Variants in DNAJC24 observed in about 807,000 individuals in gnomAD.
The protein encoded by DNAJC24 is DnaJ heat shock protein family (Hsp40) member C24.
A neutral mutation model predicts 18.0 loss-of-function variants in DNAJC24; 17 were observed. The ratio of observed to expected loss-of-function variants is 0.94; its 90% CI spans 0.65 to 1.42. The LOEUF is 1.42. Among genes scored for constraint, DNAJC24 ranks in the 40% most tolerant of loss-of-function variants. DNAJC24 has a pLI of 0.00. For missense variants in DNAJC24, 158 were observed against 175.6 expected (o/e 0.90, Z 0.57); for synonymous variants, 55 against 57.7 (o/e 0.95, Z 0.21).
At chr11:31,390,395 CAAAAAAAAAAAAA>C (rs370680501) in intron 2 of DNAJC24, among the ~76,000 whole-genome samples, 2 of 48,564 alleles carry the variant, frequency 4.1e-5, no homozygotes, top group Admixed American at 2.9e-4. Context: ...GACTCTATCT[CAAAAAAAAAAAAA>C]AAAAAAAAAA....
At chr11:31,401,464 T>C (rs1016019904) in intron 2 of DNAJC24, among the ~76,000 whole-genome samples, 1 of 151,988 alleles carries the variant, frequency 6.6e-6, no homozygotes, top group Non-Finnish European at 1.5e-5. Flanking sequence ...TCCCGCTGTC[T>C]CCTCTTTCTT....
In DNAJC24 at chr11:31,432,209, C is replaced by A. The variant is rs1313263478; in HGVS notation, c.*1808C>A. 6.6e-6 allele frequency among the ~76,000 whole-genome samples: 1 copy of A among 152,146 alleles called. No homozygotes were observed. Among genetic ancestry groups the A allele is most frequent in the East Asian group, 1.9e-4 (1 of 5,198 alleles). ...ATATTTAAGAAGAATAGATTAGTTTCATTATACCTATAAGAACAAGAATTC... is the reference window on the plus strand; with the variant it reads ...ATATTTAAGAAGAATAGATTAGTTTAATTATACCTATAAGAACAAGAATTC... On this transcript the variant is annotated 3_prime_UTR_variant, in exon 5 of 5. Transcript: ENST00000465995.
rs1011114089 is a variant in DNAJC24 at position 31,375,618 on chromosome 11, G to A, written c.111+4759G>A. Among the ~76,000 whole-genome samples, 5 of 134,860 alleles carry A rather than the reference G, an allele frequency of 3.7e-5. 1 individual carries two copies. The East Asian group carries it at 5.8e-4, about 16-fold the overall frequency. 88.5% of individuals were successfully genotyped at this position (134,860 alleles called of 152,430 possible). On this transcript the variant is annotated intron_variant, in intron 2 of 4. Transcript: ENST00000465995. The stretch of plus-strand genomic sequence containing the variant: ...ATCTGAATCATAGGTAGAAGGATTA[G>A]CTTTAGGTAAGAGATAGGAGGGACC...
intron 2 of DNAJC24, among the ~76,000 whole-genome samples, chr11:31,399,713 CT>C (rs370853069): frequency 0.46 from 51,352 of 112,844 alleles, 10,272 homozygotes; most frequent in African/African-American, 0.55. Flanking sequence ...TGCCCAGCCT[CT>C]TTTTTTTTTT....
intron 3 of DNAJC24, among the ~76,000 whole-genome samples, chr11:31,417,506 G>C (rs185812448): frequency 6.6e-6 from 1 of 151,988 alleles, no homozygotes; most frequent in Non-Finnish European, 1.5e-5. Context: ...ATAGGTTACC[G>C]AGAGAGAGAG....
At chr11:31,408,307 G>A in intron 2 of DNAJC24, 1 of 412,298 alleles carries the variant, frequency 2.4e-6, no homozygotes, top group South Asian at 1.8e-5. Flanking sequence ...AGAGATTCTG[G>A]AGTCCTCCCT....
chr11:31,374,143 G>C lies in DNAJC24; in HGVS notation c.111+3284G>C, dbSNP rs1952291033. On this transcript the variant is annotated intron_variant, in intron 2 of 4. Transcript: ENST00000465995. ...TTCTATTAAAATGTTCAGTTGAAGT[G>C]TTAAGAGCAGGTATCCTTGCCTTGT... 1.5e-5 allele frequency: 6 copies of C among 389,346 alleles called. 2 individuals carry two copies. The highest frequency in any genetic ancestry group is 3.2e-5 in the Non-Finnish European group (6 of 188,616). The allele number at this position is 389,346 out of a possible 1,614,324, so 24.1% of individuals were successfully genotyped here. A position where few individuals can be genotyped will look rare whatever the true frequency, so the allele number is the denominator to read the frequency against.
intron 2 of DNAJC24, chr11:31,407,359 G>GTT (rs1329761182): frequency 6.6e-6 from 1 of 152,030 alleles, no homozygotes; most frequent in Non-Finnish European, 1.5e-5. Context: ...ACTCTTACGT[G>GTT]TTTACTGTAA....
chr11:31,412,325 T>C (rs1952717373), intron 2 of DNAJC24, among the ~76,000 whole-genome samples: 1 of 152,172 alleles, frequency 6.6e-6, no homozygotes, highest in South Asian at 2.1e-4. Flanking sequence ...TCCTACTTTA[T>C]AGATACAAAT....
At chr11:31,380,820 A>G (rs517239) in intron 2 of DNAJC24, among the ~76,000 whole-genome samples, 14,931 of 152,124 alleles carry the variant, frequency 0.098, 2,045 homozygotes, top group African/African-American at 0.3. Flanking sequence ...TTCCCTGGGC[A>G]ACCATGGATC....
At chr11:31,386,967 C>T (rs1216415791) in intron 2 of DNAJC24, among the ~76,000 whole-genome samples, 1 of 152,208 alleles carries the variant, frequency 6.6e-6, no homozygotes, top group East Asian at 1.9e-4. Flanking sequence ...GCAGTACTTG[C>T]TGCAGGCCTG....
Position 31,431,158 on chromosome 11 carries a change from T to C in DNAJC24, c.*757T>C, listed in dbSNP as rs1205276060. ...CCTCAGCCTCCCGAATAGCTGGGAT[T>C]ACACGTGCCCACCACCATGCCCAGC... On this transcript the variant is annotated 3_prime_UTR_variant, in exon 5 of 5. Transcript: ENST00000465995. The C allele has an allele frequency of 6.6e-6, 1 of 152,260 alleles. No homozygotes were observed. The highest frequency in any genetic ancestry group is 1.5e-5 in the Non-Finnish European group (1 of 68,186). The allele number at this position is 152,260 out of a possible 1,614,324, so 9.4% of individuals were successfully genotyped here.
At chr11:31,428,827 C>T (rs895524167) in intron 4 of DNAJC24, among the ~76,000 whole-genome samples, 4 of 152,068 alleles carry the variant, frequency 2.6e-5, no homozygotes, top group African/African-American at 9.7e-5. Context: ...ATAATATAAG[C>T]AGAACTTTTA....
chr11:31,377,117 T>C (rs1952323685), intron 2 of DNAJC24, among the ~76,000 whole-genome samples: 1 of 152,162 alleles, frequency 6.6e-6, no homozygotes, highest in South Asian at 2.1e-4. Flanking sequence ...AACAGCATTT[T>C]GTATCTAATT....
intron 2 of DNAJC24, among the ~76,000 whole-genome samples, chr11:31,376,145 G>A (rs548434225): frequency 7.2e-5 from 11 of 152,218 alleles, no homozygotes; most frequent in Admixed American, 2.6e-4. Flanking sequence ...TTCCCCTTTC[G>A]CTTGGCTCTT....
intron 3 of DNAJC24, 66 bp downstream of exon 3, chr11:31,415,015 C>T: frequency 6.5e-7 from 1 of 1,537,236 alleles, no homozygotes; most frequent in Non-Finnish European, 8.8e-7. Context: ...TGCAGCCATT[C>T]CTGGGGAGCA....
chr11:31,420,323 A>G (rs756320524), intron 3 of DNAJC24, among the ~76,000 whole-genome samples: 4 of 151,808 alleles, frequency 2.6e-5, no homozygotes, highest in Non-Finnish European at 5.9e-5. Context: ...CCAACTTCCC[A>G]CCACCCACCA....
At chr11:31,386,075 C>G (rs1952427456) in intron 2 of DNAJC24, among the ~76,000 whole-genome samples, 1 of 152,186 alleles carries the variant, frequency 6.6e-6, no homozygotes, top group Non-Finnish European at 1.5e-5. Context: ...GGCAAGTTTT[C>G]TATCCCAGAG....
At chr11:31,409,241 C>A (rs553264084) in intron 2 of DNAJC24, among the ~76,000 whole-genome samples, 5 of 152,048 alleles carry the variant, frequency 3.3e-5, no homozygotes, top group Non-Finnish European at 5.9e-5. Context: ...TTAGACATGT[C>A]TGAAGATGTT....
Sources: gnomAD v4.1 joint callset for allele counts (sites outside exome capture counted in the v4.1 genomes callset) on GRCh38, gnomAD v4.1.1 for gene constraint, MANE v1.5 for transcripts, NCBI Gene and HGNC (gene_info 2026-07-23, HGNC 2026-07-21) for gene names.